The following PPP1R3F variants were observed in gnomAD, a reference collection of about 807,000 sequenced individuals.
PPP1R3F encodes protein phosphatase 1 regulatory subunit 3F.
PPP1R3F carries 29 observed loss-of-function variants against 24.2 expected under a neutral mutation model. The observed-to-expected ratio is 1.20, with a 90% confidence interval of 0.89 to 1.63. The LOEUF is 1.63. Among genes scored for constraint, PPP1R3F ranks in the 40% most tolerant of loss-of-function variants. The probability of loss-of-function intolerance (pLI) is 0.00; values close to 1 mark genes in which losing one functional copy is unlikely to be tolerated. For missense variants in PPP1R3F, 823 were observed against 729.3 expected, an observed-to-expected ratio of 1.13 and a Z score of -1.48; for synonymous variants, 363 against 340.1, an observed-to-expected ratio of 1.07 and a Z score of -0.74.
At chrX:49,294,919 A>G (rs1251784900) in intron 3 of PPP1R3F, among the ~76,000 whole-genome samples, 1 of 107,564 alleles carries the variant, frequency 9.3e-6, no homozygotes, top group Non-Finnish European at 1.9e-5. Context: ...AAAAAAAAAA[A>G]AAAAAAGTAT....
At chrX:49,297,825 C>T (rs1373628991) in intron 3 of PPP1R3F, among the ~76,000 whole-genome samples, 4 of 66,565 alleles carry the variant, frequency 6.0e-5, no homozygotes, top group Non-Finnish European at 1.0e-4. Context: ...ATTGCAACCC[C>T]TGCTTTTTTT....
chrX:49,300,528 C>T lies in PPP1R3F; in HGVS notation c.393-823C>T, dbSNP rs782660107. On this transcript the variant is annotated intron_variant, in intron 3 of 3. Transcript: ENST00000471261. Reference sequence around the variant, plus strand: ...TTTTTAAGACAGAGTCTCACTCTGTCACCCAGGCGGGAGTGCAGTGGTACA... The same window carrying T: ...TTTTTAAGACAGAGTCTCACTCTGTTACCCAGGCGGGAGTGCAGTGGTACA... 2.5e-4 allele frequency among the ~76,000 whole-genome samples: 23 copies of T among 90,428 alleles called. 1 individual carries two copies. The South Asian group carries it at 0.013, about 51-fold the overall frequency. 78.5% of individuals were successfully genotyped at this position (90,428 alleles called of 115,157 possible). A position where few individuals can be genotyped will look rare whatever the true frequency, so the allele number is the denominator to read the frequency against.
intron 3 of PPP1R3F, among the ~76,000 whole-genome samples, chrX:49,297,493 C>T (rs1239084366): frequency 2.7e-5 from 3 of 110,562 alleles, no homozygotes; most frequent in East Asian, 2.8e-4. Context: ...GGATTACAGG[C>T]GTGAGCCACC....
At chrX:49,280,602 A>G (rs1323240512) in intron 1 of PPP1R3F, among the ~76,000 whole-genome samples, 24 of 98,651 alleles carry the variant, frequency 2.4e-4, no homozygotes, top group African/African-American at 8.6e-4. Flanking sequence ...CTGGAGTGCA[A>G]TGGCGCGATC....
downstream of PPP1R3F, among the ~76,000 whole-genome samples, chrX:49,290,616 C>T (rs781828625): frequency 1.7e-3 from 195 of 111,448 alleles, no homozygotes; most frequent in Non-Finnish European, 3.2e-3. Context: ...GTTGTACTGC[C>T]CTCCTCCTGA....
intron 3 of PPP1R3F, among the ~76,000 whole-genome samples, chrX:49,300,492 T>A (rs1455503467): frequency 3.1e-5 from 1 of 32,151 alleles, no homozygotes; most frequent in Non-Finnish European, 1.1e-4. Context: ...TTTTTTTTTT[T>A]TTTTTTTTTT....
At chrX:49,288,225 C>A (rs782092928), downstream of PPP1R3F, 15 of 112,482 alleles carry the variant, frequency 1.3e-4, no homozygotes, top group South Asian at 4.7e-3. Flanking sequence ...CCAACCATTT[C>A]AGCAAAACTG....
intron 1 of PPP1R3F, chrX:49,273,538 T>C (rs1462568812): frequency 8.9e-6 from 1 of 112,366 alleles, no homozygotes; most frequent in East Asian, 2.8e-4. Context: ...AGGTTGGTGC[T>C]CATTGCAAGA....
At position 49,270,174 on chromosome X, in the gene PPP1R3F, C is replaced by A; in HGVS notation, c.305C>A (p.Ser102Ter). The A allele has an allele frequency of 9.1e-7, 1 of 1,096,205 alleles. No homozygotes were observed. Among genetic ancestry groups the A allele is most frequent in the East Asian group, 3.6e-5 (1 of 27,680 alleles). The allele number at this position is 1,096,205 out of a possible 1,213,427, so 90.3% of individuals were successfully genotyped here. A position where few individuals can be genotyped will look rare whatever the true frequency, so the allele number is the denominator to read the frequency against. ...GAAGAGGAGGCTTGCCCCGAGCCCT[C>A]ACCGCTGTGCCCCGTCCCCGCTGGC... Reference protein sequence around the residue: ...EEEEEACPEPSPLCPVPAGGG... With the variant: ...EEEEEACPEP The change falls in exon 1 of 4, where the codon TCA (serine) becomes TAA (stop). Residue 102 changes from serine (S) to a stop codon, truncating the protein, a stop_gained. Transcript: ENST00000055335. LOFTEE classifies it high-confidence loss of function.
downstream of PPP1R3F, among the ~76,000 whole-genome samples, chrX:49,290,221 G>T (rs1164073182): frequency 8.9e-6 from 1 of 111,809 alleles, no homozygotes; most frequent in Non-Finnish European, 1.9e-5. Flanking sequence ...GCCTCCTGGT[G>T]TGAACCACAG....
At chrX:49,300,496 T>G in intron 3 of PPP1R3F, among the ~76,000 whole-genome samples, 2 of 56,808 alleles carry the variant, frequency 3.5e-5, no homozygotes, top group East Asian at 5.1e-4. Context: ...TTTTTTTTTT[T>G]TTTTTTTTTT....
chrX:49,270,605 C>T lies in PPP1R3F; in HGVS notation c.736C>T (p.Gln246Ter), dbSNP rs782043359. 3 of 1,205,767 alleles carry T rather than the reference C, an allele frequency of 2.5e-6. No individual in the cohort carries two copies. Among genetic ancestry groups the T allele is most frequent in the African/African-American group, 3.4e-5 (2 of 58,047 alleles). ...CGGCCGCACCGACCGCTTTGCCTTC[C>T]AGCTGCCCTTTGCTGAGGGCGCGGG... is the stretch of plus-strand genomic sequence containing the variant. ...DGGRTDRFAFQLPFAEGAGDG... is the reference protein window; with the variant it reads ...DGGRTDRFAF The change falls in exon 1 of 4, where the codon CAG becomes TAG. Residue 246 changes from glutamine (Q) to a stop codon, truncating the protein, a stop_gained. Coordinates refer to ENST00000055335, the MANE Select transcript of PPP1R3F (RefSeq NM_033215.5). LOFTEE classifies it high-confidence loss of function.
downstream of PPP1R3F, among the ~76,000 whole-genome samples, chrX:49,291,316 C>CTCTCTCTCTCTCTCTCTCTCTCTGTCTG (rs782097550): frequency 0.021 from 1,895 of 88,288 alleles, 127 homozygotes; most frequent in Admixed American, 0.036. Flanking sequence ...CTCTCTCTCT[C>CTCTCTCTCTCTCTCTCTCTCTCTGTCTG]TCTCTCTCTC....
rs376087217 is a variant in PPP1R3F at position 49,300,976 on chromosome X, C to T, written c.393-375C>T. 6.3e-5 allele frequency among the ~76,000 whole-genome samples: 7 copies of T among 111,941 alleles called. No homozygotes were observed. In the East Asian group the frequency reaches 1.4e-3, roughly 22 times the overall value. ...ACCTCTAACCATATCAAATGTTACA[C>T]GTAAGTTTCAGATTTTGAGACATGA... On this transcript the variant is annotated intron_variant, in intron 3 of 3. Coordinates refer to the PPP1R3F transcript ENST00000471261.
intron 3 of PPP1R3F, among the ~76,000 whole-genome samples, chrX:49,284,509 C>CTTTTT (rs145170789): frequency 1.4e-3 from 70 of 50,822 alleles, no homozygotes; most frequent in African/African-American, 3.2e-3. Flanking sequence ...CTTTTTCTTT[C>CTTTTT]TTTTTTTTTT....
chrX:49,278,408 C>G (rs1448647294), intron 1 of PPP1R3F, among the ~76,000 whole-genome samples: 3 of 112,225 alleles, frequency 2.7e-5, no homozygotes, highest in African/African-American at 9.7e-5. Context: ...GTTAGTGCAG[C>G]CTGGCAGAAA....
At chrX:49,289,126 A>AAAAAC (rs1158459230), downstream of PPP1R3F, among the ~76,000 whole-genome samples, 2 of 111,206 alleles carry the variant, frequency 1.8e-5, no homozygotes, top group South Asian at 3.7e-4. Flanking sequence ...ACTCCATCTC[A>AAAAAC]AAAACAAAAC....
downstream of PPP1R3F, among the ~76,000 whole-genome samples, chrX:49,288,331 T>C (rs1336908221): frequency 8.9e-6 from 1 of 112,395 alleles, no homozygotes; most frequent in Non-Finnish European, 1.9e-5. Context: ...CATCTCTACC[T>C]TGCAACCCTT....
At chrX:49,280,271 T>G in intron 1 of PPP1R3F, among the ~76,000 whole-genome samples, 1 of 111,746 alleles carries the variant, frequency 8.9e-6, no homozygotes, top group Non-Finnish European at 1.9e-5. Flanking sequence ...TTTTGTGAGA[T>G]AATCTCTCAC....
Sources: allele counts gnomAD v4.1 joint callset (sites outside exome capture counted in the v4.1 genomes callset), GRCh38; gene constraint gnomAD v4.1.1; transcripts MANE v1.5; gene names NCBI Gene and HGNC (gene_info 2026-07-23, HGNC 2026-07-21).